Variants in KLF17 observed in about 807,000 individuals in gnomAD.
The protein encoded by KLF17 is Krueppel-like factor 17.
A neutral mutation model predicts 34.2 loss-of-function variants in KLF17; 31 were observed. The observed-to-expected ratio is 0.91, with a 90% confidence interval of 0.68 to 1.22. The LOEUF (loss-of-function observed/expected upper bound fraction) is 1.22, where lower values mean the gene tolerates loss of function less well. Among genes scored for constraint, KLF17 ranks in the 50% most tolerant of loss-of-function variants. KLF17 has a pLI of 0.00. For synonymous variants in KLF17, 179 were observed against 186.7 expected, an observed-to-expected ratio of 0.96 and a Z score of 0.34; for missense variants, 478 against 505.2, an observed-to-expected ratio of 0.95 and a Z score of 0.52.
At chr1:44,102,350 G>A in the KLF17 span, among the ~76,000 whole-genome samples, 10 of 152,098 alleles carry the variant, frequency 6.6e-5, no homozygotes, top group South Asian at 1.2e-3. Flanking sequence ...TCAGGAGTTC[G>A]AGACCAGCCT....
the KLF17 span, among the ~76,000 whole-genome samples, chr1:44,074,114 T>G: frequency 4.6e-5 from 7 of 152,228 alleles, no homozygotes; most frequent in East Asian, 1.4e-3. Flanking sequence ...TCCGTTCATC[T>G]ATAACTCACA....
the KLF17 span, among the ~76,000 whole-genome samples, chr1:44,108,383 T>C: frequency 6.6e-6 from 1 of 152,216 alleles, no homozygotes; most frequent in African/African-American, 2.4e-5. Context: ...CTTCTGATTC[T>C]TTCAGTTTCT....
At chr1:44,044,747 T>C in the KLF17 span, 2 of 152,268 alleles carry the variant, frequency 1.3e-5, no homozygotes, top group African/African-American at 4.8e-5. Context: ...ATCTCTAACA[T>C]GGGGTACCTG....
the KLF17 span, among the ~76,000 whole-genome samples, chr1:44,053,868 G>A: frequency 1.3e-5 from 2 of 152,208 alleles, no homozygotes; most frequent in Non-Finnish European, 2.9e-5. Context: ...GATACTGTCC[G>A]TGAACATGCA....
the KLF17 span, among the ~76,000 whole-genome samples, chr1:44,050,265 G>A: frequency 6.6e-6 from 1 of 152,170 alleles, no homozygotes; most frequent in Non-Finnish European, 1.5e-5. Flanking sequence ...GCACACCACT[G>A]CCAATGAGGT....
the KLF17 span, among the ~76,000 whole-genome samples, chr1:44,062,767 G>A: frequency 1.3e-5 from 2 of 150,640 alleles, no homozygotes; most frequent in South Asian, 2.1e-4. Flanking sequence ...GGGAAAAAAC[G>A]AGGAACCTCT....
chr1:44,070,598 T>C, the KLF17 span, among the ~76,000 whole-genome samples: 362 of 141,442 alleles, frequency 2.6e-3, 1 homozygote, highest in Admixed American at 5.6e-3. Context: ...GTCTTTTTTT[T>C]TTTTTTTTTT....
the KLF17 span, among the ~76,000 whole-genome samples, chr1:44,074,492 G>A: frequency 6.6e-6 from 1 of 152,088 alleles, no homozygotes; most frequent in African/African-American, 2.4e-5. Context: ...CCCCATTCCA[G>A]TCTGCCCACC....
At chr1:44,127,124 G>A (rs1418025232) in intron 1 of KLF17, among the ~76,000 whole-genome samples, 1 of 149,472 alleles carries the variant, frequency 6.7e-6, no homozygotes, top group Non-Finnish European at 1.5e-5. Flanking sequence ...GCTCAGGCTG[G>A]TCTTGAACTC....
At chr1:44,124,359 T>A (rs1223270874) in intron 1 of KLF17, among the ~76,000 whole-genome samples, 3 of 151,520 alleles carry the variant, frequency 2.0e-5, no homozygotes, top group Admixed American at 2.0e-4. Context: ...AGACAGAGTC[T>A]CGCTGTGTTG....
chr1:44,103,757 C>A, the KLF17 span: 3 of 1,167,594 alleles, frequency 2.6e-6, no homozygotes, highest in Admixed American at 5.1e-5. Context: ...GCTCCTCAGG[C>A]TGCTCGGCAT....
the KLF17 span, among the ~76,000 whole-genome samples, chr1:44,069,225 T>G: frequency 6.6e-6 from 1 of 152,156 alleles, no homozygotes; most frequent in Non-Finnish European, 1.5e-5. The surrounding 1 kb of genome is among the most constrained non-coding windows in gnomAD (Gnocchi z 4.7). Context: ...AGGAGGGCTT[T>G]CCTGGGCAGG....
At chr1:44,063,143 G>T in the KLF17 span, among the ~76,000 whole-genome samples, 1 of 152,138 alleles carries the variant, frequency 6.6e-6, no homozygotes, top group African/African-American at 2.4e-5. Context: ...AGATACAAAA[G>T]AATACACACT....
At chr1:44,117,501 A>C (rs934272961), upstream of KLF17, 1 of 145,150 alleles carries the variant, frequency 6.9e-6, no homozygotes, top group African/African-American at 2.6e-5. Flanking sequence ...ATTTTATTTT[A>C]TTTTATTTTT....
the KLF17 span, among the ~76,000 whole-genome samples, chr1:44,071,855 C>T: frequency 1.3e-5 from 2 of 152,154 alleles, no homozygotes; most frequent in Non-Finnish European, 2.9e-5. Flanking sequence ...TAGCTCTCCA[C>T]ACTCTTGGCT....
chr1:44,049,915 A>G, the KLF17 span, among the ~76,000 whole-genome samples: 1 of 152,254 alleles, frequency 6.6e-6, no homozygotes, highest in African/African-American at 2.4e-5. Flanking sequence ...AGTTTCAAAT[A>G]ATGTGTATCT....
At chr1:44,080,695 C>T in the KLF17 span, among the ~76,000 whole-genome samples, 14 of 146,194 alleles carry the variant, frequency 9.6e-5, 1 homozygote, top group Non-Finnish European at 1.8e-4. Flanking sequence ...TTCTTTAATT[C>T]ATGGTGAATT....
At chr1:44,082,899 A>G in the KLF17 span, among the ~76,000 whole-genome samples, 13 of 151,686 alleles carry the variant, frequency 8.6e-5, no homozygotes, top group Middle Eastern at 3.4e-3. Context: ...TCTCTTGTTC[A>G]TAGAGCAGAG....
At chr1:44,085,162 G>A in the KLF17 span, among the ~76,000 whole-genome samples, 96 of 152,038 alleles carry the variant, frequency 6.3e-4, no homozygotes, top group Middle Eastern at 6.8e-3. Context: ...ACATATAGTT[G>A]TAGTTGCTGG....
Sources: gnomAD v4.1 joint callset for allele counts (sites outside exome capture counted in the v4.1 genomes callset) on GRCh38, gnomAD v4.1.1 for gene constraint, Gnocchi (gnomAD v3.1) non-coding constraint, MANE v1.5 for transcripts, NCBI Gene and HGNC (gene_info 2026-07-23, HGNC 2026-07-21) for gene names.